The following MYO5B variants were observed in gnomAD, a reference collection of about 807,000 sequenced individuals.
The protein encoded by MYO5B is unconventional myosin-Vb.
A neutral mutation model predicts 229.3 loss-of-function variants in MYO5B; 143 were observed. That is an observed-to-expected ratio of 0.62 (90% CI 0.54 to 0.72). The LOEUF (loss-of-function observed/expected upper bound fraction) is 0.72, where lower values mean the gene tolerates loss of function less well. Ranked by LOEUF, MYO5B falls within the 30% of genes least tolerant of loss-of-function variation. The pLI is 0.00. For synonymous variants in MYO5B, 918 were observed against 885.2 expected, an observed-to-expected ratio of 1.04 and a Z score of -0.66; for missense variants, 2,321 against 2,331.0, an observed-to-expected ratio of 1.00 and a Z score of 0.09.
intron 1 of MYO5B, among the ~76,000 whole-genome samples, chr18:50,193,325 T>C (rs2033253781): frequency 6.6e-6 from 1 of 152,192 alleles, no homozygotes. Context: ...GCTGCACAGG[T>C]GGCCCCTGGT....
rs777233291 is a variant in MYO5B at position 50,034,691 on chromosome 18, CT to C, written c.455+2158del. Reference sequence around the variant, plus strand: ...CCTGGGGGGCGGAGGTTGCAGTGAGCTGATATCGCAGCACTTCACTCCAGCC... The same window carrying C: ...CCTGGGGGGCGGAGGTTGCAGTGAGCGATATCGCAGCACTTCACTCCAGCC... On this transcript the variant is annotated intron_variant, in intron 4 of 39. Transcript: ENST00000285039. 3.4e-4 allele frequency among the ~76,000 whole-genome samples: 51 copies of C among 152,156 alleles called. 1 individual carries two copies. Among genetic ancestry groups the C allele is most frequent in the Non-Finnish European group, 5.9e-4 (40 of 68,038 alleles).
At chr18:49,871,484 T>C (rs11663885) in intron 27 of MYO5B, 36,740 of 154,074 alleles carry the variant, frequency 0.24, 4,531 homozygotes, top group East Asian at 0.41. Flanking sequence ...GCCATGGGAA[T>C]GATTCAAGAC....
At chr18:50,096,576 T>C (rs368620944) in intron 1 of MYO5B, among the ~76,000 whole-genome samples, 6 of 152,310 alleles carry the variant, frequency 3.9e-5, no homozygotes, top group East Asian at 1.9e-4. Flanking sequence ...TTAGTCTGTA[T>C]TGAAAGCCAT....
intron 4 of MYO5B, among the ~76,000 whole-genome samples, chr18:50,029,014 G>A (rs2026361151): frequency 6.6e-6 from 1 of 152,158 alleles, no homozygotes; most frequent in South Asian, 2.1e-4. Context: ...AAAGGAGATG[G>A]CAATATCCAT....
At chr18:49,922,804 G>C (rs1285824725) in intron 17 of MYO5B, among the ~76,000 whole-genome samples, 1 of 152,086 alleles carries the variant, frequency 6.6e-6, no homozygotes, top group Non-Finnish European at 1.5e-5. Context: ...AAATACACAT[G>C]TAAGTATCTG....
chr18:49,839,168 C>T lies in MYO5B; in HGVS notation c.4828G>A (p.Glu1610Lys), dbSNP rs763549542. 1.9e-5 allele frequency: 31 copies of T among 1,613,806 alleles called. 1 individual carries two copies. Among genetic ancestry groups the T allele is most frequent in the Middle Eastern group, 1.7e-4 (1 of 5,890 alleles). Reference protein sequence around the residue: ...QIYQQLIKIAEGVLQPMIVSA... With the variant: ...QIYQQLIKIAKGVLQPMIVSA... ...CCTATCATCGGCTGTAACACGCCCTCGGCAATTTTAATGAGCTGCTGGTAG... is the reference window on the plus strand; with the variant it reads ...CCTATCATCGGCTGTAACACGCCCTTGGCAATTTTAATGAGCTGCTGGTAG... The change falls in exon 36 of 40, where the codon GAG (glutamate) becomes AAG (lysine). Residue 1610 changes from glutamate to lysine, a missense_variant. Transcript: ENST00000285039.
intron 21 of MYO5B, among the ~76,000 whole-genome samples, chr18:49,895,607 G>T (rs1488818927): frequency 2.0e-5 from 3 of 152,164 alleles, no homozygotes; most frequent in Non-Finnish European, 1.5e-5. Context: ...ACAAAGAGTT[G>T]CAATCTAATC....
chr18:50,159,228 T>C (rs1230331499), intron 1 of MYO5B, among the ~76,000 whole-genome samples: 1 of 151,992 alleles, frequency 6.6e-6, no homozygotes, highest in East Asian at 1.9e-4. Context: ...TCCTAAGAAA[T>C]CATGCAAAGG....
chr18:50,088,081 CA>C (rs1186872068), intron 1 of MYO5B, among the ~76,000 whole-genome samples: 1 of 152,068 alleles, frequency 6.6e-6, no homozygotes, highest in Non-Finnish European at 1.5e-5. Context: ...ATTCATAGAC[CA>C]GGGAAAGAAG....
intron 1 of MYO5B, among the ~76,000 whole-genome samples, chr18:50,190,410 G>A (rs139991970): frequency 1.3e-5 from 2 of 152,322 alleles, no homozygotes; most frequent in East Asian, 3.9e-4. Flanking sequence ...TGACAACAGA[G>A]ACCATCATCA....
At chr18:49,945,149 A>AT (rs2025357729) in intron 14 of MYO5B, among the ~76,000 whole-genome samples, 1 of 151,686 alleles carries the variant, frequency 6.6e-6, no homozygotes, top group African/African-American at 2.4e-5. Context: ...TTGCATTGCC[A>AT]TTTTCCAGAG....
intron 9 of MYO5B, among the ~76,000 whole-genome samples, chr18:49,975,554 A>G (rs1049414334): frequency 3.3e-5 from 5 of 152,158 alleles, no homozygotes; most frequent in Admixed American, 1.3e-4. Context: ...CCAAGAAGCA[A>G]GCGTTTTAAG....
At chr18:49,832,910 TCA>T (rs2023940363) in intron 39 of MYO5B, among the ~76,000 whole-genome samples, 1 of 152,148 alleles carries the variant, frequency 6.6e-6, no homozygotes, top group South Asian at 2.1e-4. Flanking sequence ...TGTTGACAGC[TCA>T]CACACAGCCC....
At chr18:50,164,287 G>C (rs961582124) in intron 1 of MYO5B, among the ~76,000 whole-genome samples, 9 of 152,162 alleles carry the variant, frequency 5.9e-5, no homozygotes, top group African/African-American at 2.2e-4. Flanking sequence ...GCCTCCTTAA[G>C]TATATGCCTT....
chr18:49,964,648 CTT>C (rs1439390200), intron 10 of MYO5B, among the ~76,000 whole-genome samples: 1 of 152,168 alleles, frequency 6.6e-6, no homozygotes, highest in Non-Finnish European at 1.5e-5. Context: ...TGAATTTTAA[CTT>C]ATCATTACTA....
At position 50,001,349 on chromosome 18, in the gene MYO5B, G is replaced by A. The variant is rs745395686; in HGVS notation, c.518C>T (p.Ala173Val). The A allele has an allele frequency of 1.2e-6, 2 of 1,614,178 alleles. No homozygotes were observed. The highest frequency in any genetic ancestry group is 1.7e-6 in the Non-Finnish European group (2 of 1,180,016). ...GGCGAAATAGCGCATGGCATACTTGGCTGATACCGTCTTCCCGGCTCCAGA... is the reference window on the plus strand; with the variant it reads ...GGCGAAATAGCGCATGGCATACTTGACTGATACCGTCTTCCCGGCTCCAGA... ...GESGAGKTVS[A>V]KYAMRYFATV... The change falls in exon 5 of 40, where the codon GCC (alanine) becomes GTC (valine). Residue 173 changes from alanine to valine, a missense_variant. Ala to Val is a moderately conservative substitution (Grantham distance 64, BLOSUM62 0). Around this residue, in one of 2 missense-constraint regions of MYO5B, gnomAD observed 2,113 missense variants for 2,044.7 expected, o/e 1.03. Transcript: ENST00000285039.
intron 4 of MYO5B, among the ~76,000 whole-genome samples, chr18:50,031,848 A>T (rs951615399): frequency 1.3e-5 from 2 of 152,224 alleles, no homozygotes; most frequent in Non-Finnish European, 2.9e-5. Context: ...TAATCTTTGA[A>T]AACAGTTTTG....
intron 1 of MYO5B, among the ~76,000 whole-genome samples, chr18:50,131,762 T>C (rs1436968416): frequency 6.6e-6 from 1 of 152,206 alleles, no homozygotes; most frequent in African/African-American, 2.4e-5. Flanking sequence ...CAGGAGGTGA[T>C]AATGTGACAT....
chr18:50,013,122 C>T (rs540463804), intron 4 of MYO5B, among the ~76,000 whole-genome samples: 1 of 152,302 alleles, frequency 6.6e-6, no homozygotes, highest in South Asian at 2.1e-4. Context: ...TTGCTAAACA[C>T]ATCTGAGTCC....
Sources: gnomAD v4.1 joint callset for allele counts (sites outside exome capture counted in the v4.1 genomes callset) on GRCh38, gnomAD v4.1.1 for gene constraint, gnomAD v4.1.1 regional missense constraint, MANE v1.5 for transcripts, NCBI Gene and HGNC (gene_info 2026-07-23, HGNC 2026-07-21) for gene names.